The following CANX variants were observed in gnomAD, a reference collection of about 807,000 sequenced individuals.
CANX encodes the protein epididymis secretory sperm binding protein.
Under a neutral mutation model 75.7 loss-of-function variants are expected in CANX, and 14 were observed. The ratio of observed to expected loss-of-function variants is 0.19; its 90% CI spans 0.12 to 0.29. The LOEUF (loss-of-function observed/expected upper bound fraction) is 0.29, where lower values mean the gene tolerates loss of function less well. CANX is among the 10% of genes least tolerant of loss of function. CANX has a pLI of 1.00. For synonymous variants in CANX, 227 were observed against 236.9 expected (o/e 0.96, Z 0.38); for missense variants, 567 against 713.2 (o/e 0.79, Z 2.34).
Position 179,709,871 on chromosome 5 carries a change from A to T in CANX, c.529-2A>T. ...TCAAATAATCCTTTTTTGTTTTTGA[A>T]GGATCAGTTCCATGACAAGACCCCT... is the stretch of plus-strand genomic sequence containing the variant. On this transcript the variant is annotated splice_acceptor_variant, in intron 6 of 14. Coordinates refer to ENST00000247461, the MANE Select transcript of CANX (RefSeq NM_001746.4). LOFTEE classifies it high-confidence loss of function. 1 of 1,553,782 alleles carries T rather than the reference A, an allele frequency of 6.4e-7. No homozygotes were observed. The highest frequency in any genetic ancestry group is 2.2e-5 in the Admixed American group (1 of 45,734).
At chr5:179,683,394 A>G (rs988047849) in intron 1 of CANX, among the ~76,000 whole-genome samples, 3 of 151,940 alleles carry the variant, frequency 2.0e-5, no homozygotes, top group Non-Finnish European at 4.4e-5. Flanking sequence ...CAGCCTCCCA[A>G]AGTGCTGGGA....
rs1777507230 is a variant in CANX, at chr5:179,710,883, T to C, written c.721+818T>C. On this transcript the variant is annotated intron_variant, in intron 7 of 14. Transcript: ENST00000247461. Reference sequence around the variant, plus strand: ...GCATGGCCAACATGGTAAAACCCCGTCTCTACTAAAAATACAAAAATTAGC... The same window carrying C: ...GCATGGCCAACATGGTAAAACCCCGCCTCTACTAAAAATACAAAAATTAGC... 2.6e-5 allele frequency among the ~76,000 whole-genome samples: 4 copies of C among 150,946 alleles called. No individual in the cohort carries two copies. In the South Asian group the frequency reaches 8.4e-4, roughly 32 times the overall value.
rs35136597 is a variant in CANX at position 179,731,476 on chromosome 5, TAAAA to T, written c.*2841_*2844del. 1.4e-5 allele frequency among the ~76,000 whole-genome samples: 2 copies of T among 142,830 alleles called. No individual in the cohort carries two copies. Among genetic ancestry groups the T allele is most frequent in the African/African-American group, 2.6e-5 (1 of 39,024 alleles). The allele number at this position is 142,830 out of a possible 152,430, so 93.7% of individuals were successfully genotyped here. ...TCTGGTGTAAAATTTGTTTGAATGC[TAAAA>T]AAAAAAAAGCAGGACTGCATTATGG... On this transcript the variant is annotated 3_prime_UTR_variant, in exon 15 of 15. Transcript: ENST00000247461.
intron 1 of CANX, among the ~76,000 whole-genome samples, chr5:179,690,220 T>A (rs749201474): frequency 2.4e-4 from 37 of 152,190 alleles, no homozygotes; most frequent in Admixed American, 1.8e-3. Flanking sequence ...TCTGTGATAG[T>A]CTGTTAGTGA....
intron 1 of CANX, 37 bp from the exon 2 acceptor site, chr5:179,705,642 G>A: frequency 1.3e-6 from 2 of 1,529,126 alleles, no homozygotes; most frequent in Non-Finnish European, 1.8e-6. Flanking sequence ...TTTGATAGGT[G>A]GCAATACATT....
intron 1 of CANX, among the ~76,000 whole-genome samples, chr5:179,689,954 G>A (rs1459340226): frequency 6.6e-6 from 1 of 152,158 alleles, no homozygotes; most frequent in Non-Finnish European, 1.5e-5. Flanking sequence ...GAGCCCGTGA[G>A]GAAGGGAAGG....
Position 179,691,903 on chromosome 5 carries a change from G to C in CANX, c.-4+13126G>C, listed in dbSNP as rs571725935. On this transcript the variant is annotated intron_variant, in intron 1 of 14. Transcript: ENST00000681674. ...CGCCATTCTCCTGCCTCAGCCTCCC[G>C]AGTAGCTGGGACTACAGGCACCCGC... 6.8e-3 allele frequency among the ~76,000 whole-genome samples: 934 copies of C among 136,796 alleles called. 10 individuals are homozygous for C. The highest frequency in any genetic ancestry group is 0.024 in the African/African-American group (867 of 36,400). 89.7% of individuals were successfully genotyped at this position (136,796 alleles called of 152,430 possible).
intron 1 of CANX, chr5:179,700,258 A>G (rs1396959887): frequency 1.3e-5 from 2 of 152,206 alleles, no homozygotes; most frequent in Non-Finnish European, 2.9e-5. Context: ...AGAGGACAAG[A>G]TTAACCATAG....
intron 7 of CANX, among the ~76,000 whole-genome samples, chr5:179,710,724 G>A (rs868777446): frequency 0.015 from 606 of 39,218 alleles, 3 homozygotes; most frequent in Non-Finnish European, 0.027. Context: ...AAAAAAAAAA[G>A]ATTGTATATC....
chr5:179,727,907 C>T (rs1309168581), intron 14 of CANX, among the ~76,000 whole-genome samples: 1 of 152,078 alleles, frequency 6.6e-6, no homozygotes, highest in Non-Finnish European at 1.5e-5. Flanking sequence ...AGTCCTTTAC[C>T]CAGCACCTCT....
At chr5:179,692,039 C>T (rs1341861155) in intron 1 of CANX, among the ~76,000 whole-genome samples, 3 of 150,796 alleles carry the variant, frequency 2.0e-5, no homozygotes, top group Non-Finnish European at 4.4e-5. Flanking sequence ...CTCAGCCTCC[C>T]AAAGTGCTGG....
chr5:179,700,182 C>T (rs1291685612), intron 1 of CANX: 1 of 152,084 alleles, frequency 6.6e-6, no homozygotes, highest in East Asian at 1.9e-4. Flanking sequence ...TGTGTATTAC[C>T]GCTGGGCATG....
intron 13 of CANX, among the ~76,000 whole-genome samples, chr5:179,725,373 GATCCTGTCTCTTAAAAAAA>G (rs1034993868): frequency 3.3e-5 from 5 of 151,708 alleles, no homozygotes; most frequent in Admixed American, 6.6e-5. Flanking sequence ...GACCCAGCGA[GATCCTGTCTCTTAAAAAAA>G]AATTGTTGGC....
chr5:179,721,763 G>A (rs1166813289), intron 10 of CANX, among the ~76,000 whole-genome samples: 3 of 152,084 alleles, frequency 2.0e-5, no homozygotes, highest in Admixed American at 2.0e-4. Flanking sequence ...ACAAAGAGTG[G>A]CAATTAAAAT....
In CANX at chr5:179,728,471, C is replaced by T. The variant is rs901517585; in HGVS notation, c.1726-120C>T. The T allele has an allele frequency of 4.7e-6, 3 of 644,050 alleles. No individual in the cohort carries two copies. In the African/African-American group the frequency reaches 5.5e-5, roughly 12 times the overall value. The allele number at this position is 644,050 out of a possible 1,614,324, so 39.9% of individuals were successfully genotyped here. On this transcript the variant is annotated intron_variant, in intron 14 of 14. Transcript: ENST00000247461. ...TCTTCTTGGTGCATTTTCTTCTCATCATTTTCCTCATTTTTTTCCTCAAAT... is the reference window on the plus strand; with the variant it reads ...TCTTCTTGGTGCATTTTCTTCTCATTATTTTCCTCATTTTTTTCCTCAAAT...
intron 1 of CANX, among the ~76,000 whole-genome samples, chr5:179,679,602 G>T (rs1041636473): frequency 1.2e-4 from 19 of 152,178 alleles, no homozygotes; most frequent in Non-Finnish European, 2.6e-4. Flanking sequence ...TTTGCCAGGT[G>T]GGTTGAGGAT....
chr5:179,714,392 A>G (rs759149271), intron 7 of CANX, among the ~76,000 whole-genome samples: 60 of 152,268 alleles, frequency 3.9e-4, no homozygotes, highest in Non-Finnish European at 7.8e-4. Flanking sequence ...ATGTCAATAA[A>G]AACATACACA....
rs1026745939 is a variant in CANX at position 179,716,521 on chromosome 5, T to C, written c.911+227T>C. Among the ~76,000 whole-genome samples the C allele has an allele frequency of 5.9e-5, 9 of 152,266 alleles. No homozygotes were observed. The East Asian group carries it at 1.7e-3, about 29-fold the overall frequency. ...CACAGAATGCCACACTTGATAAGAG[T>C]TTGTCTGTGGTGACACTGTTGGTTT... is the stretch of plus-strand genomic sequence containing the variant. On this transcript the variant is annotated intron_variant, in intron 8 of 14. Transcript: ENST00000247461.
intron 13 of CANX, among the ~76,000 whole-genome samples, chr5:179,725,912 C>T (rs529771318): frequency 5.5e-5 from 8 of 144,558 alleles, no homozygotes; most frequent in South Asian, 4.5e-4. Context: ...CACTTGAACC[C>T]GGAAGGCAGA....
Sources: gnomAD v4.1 joint callset for allele counts (sites outside exome capture counted in the v4.1 genomes callset) on GRCh38, gnomAD v4.1.1 for gene constraint, MANE v1.5 for transcripts, NCBI Gene and HGNC (gene_info 2026-07-23, HGNC 2026-07-21) for gene names.